Variants in PPP2R3C observed in about 807,000 individuals in gnomAD.
PPP2R3C encodes the protein serine/threonine-protein phosphatase 2A regulatory subunit B'' subunit gamma.
A neutral mutation model predicts 63.7 loss-of-function variants in PPP2R3C; 47 were observed. The ratio of observed to expected loss-of-function variants is 0.74; its 90% confidence interval spans 0.58 to 0.94. The LOEUF is 0.94. Ranked by LOEUF, PPP2R3C falls within the 40% of genes least tolerant of loss-of-function variation. The pLI is 0.00. For synonymous variants in PPP2R3C, 180 were observed against 177.4 expected, an observed-to-expected ratio of 1.01 and a Z score of -0.12; for missense variants, 421 against 518.4, an observed-to-expected ratio of 0.81 and a Z score of 1.82.
intron 9 of PPP2R3C, 30 bp from the exon 10 acceptor site, chr14:35,095,214 T>A (rs200055292): frequency 6.3e-7 from 1 of 1,587,878 alleles, no homozygotes; most frequent in East Asian, 2.2e-5. Context: ...AAGACACTTA[T>A]GACCACAATA....
At chr14:35,116,424 A>T (rs1201608815) in intron 2 of PPP2R3C, among the ~76,000 whole-genome samples, 186 bp downstream of exon 2, 3 of 151,992 alleles carry the variant, frequency 2.0e-5, no homozygotes, top group South Asian at 2.1e-4. Context: ...GCTATTTTTT[A>T]AAAAATTTCT....
intron 4 of PPP2R3C, among the ~76,000 whole-genome samples, chr14:35,108,837 T>C (rs1040339395): frequency 1.8e-4 from 27 of 152,104 alleles, no homozygotes; most frequent in Admixed American, 8.5e-4. Context: ...CTCGAACTCC[T>C]GGCCTCAAGT....
At chr14:35,115,767 G>A (rs1023443639) in intron 2 of PPP2R3C, among the ~76,000 whole-genome samples, 8 of 151,776 alleles carry the variant, frequency 5.3e-5, no homozygotes, top group Non-Finnish European at 8.8e-5. Context: ...GATTACCGGC[G>A]CGCGCCACCA....
At chr14:35,102,506 C>G (rs1277595548) in intron 6 of PPP2R3C, 1 of 152,134 alleles carries the variant, frequency 6.6e-6, no homozygotes, top group Non-Finnish European at 1.5e-5. Context: ...TCCTCTATTC[C>G]AACAGTTACT....
intron 10 of PPP2R3C, among the ~76,000 whole-genome samples, chr14:35,093,157 G>C (rs1347490967): frequency 6.6e-6 from 1 of 151,864 alleles, no homozygotes; most frequent in Admixed American, 6.6e-5. Flanking sequence ...AGCTTGCAGT[G>C]AGCCGAGATC....
intron 4 of PPP2R3C, 119 bp from the exon 5 acceptor site, chr14:35,108,355 T>C: frequency 3.6e-6 from 4 of 1,100,834 alleles, no homozygotes; most frequent in Non-Finnish European, 4.8e-6. Flanking sequence ...CAATAGAGAC[T>C]CCTTATAATT....
chr14:35,095,985 A>C (rs1183346079), intron 9 of PPP2R3C, among the ~76,000 whole-genome samples: 1 of 152,108 alleles, frequency 6.6e-6, no homozygotes, highest in Non-Finnish European at 1.5e-5. Flanking sequence ...GTTCATAATG[A>C]TGCTCCTGAG....
intron 2 of PPP2R3C, among the ~76,000 whole-genome samples, chr14:35,115,524 C>T (rs1030869457): frequency 5.9e-5 from 9 of 151,450 alleles, no homozygotes; most frequent in Admixed American, 6.6e-5. Context: ...AGTGACCCTA[C>T]CATGAATAGC....
At chr14:35,101,397 CA>C (rs1370280824) in intron 6 of PPP2R3C, 2 of 152,156 alleles carry the variant, frequency 1.3e-5, no homozygotes, top group African/African-American at 4.8e-5. Context: ...GTCTAATTCC[CA>C]GGTTTAAGTA....
chr14:35,120,000 C>A (rs977179813), intron 1 of PPP2R3C, among the ~76,000 whole-genome samples: 1 of 151,638 alleles, frequency 6.6e-6, no homozygotes, highest in African/African-American at 2.4e-5. Flanking sequence ...TACAGGCGCC[C>A]GCCACCGCAC....
chr14:35,109,063 CTT>C (rs1052048853), intron 4 of PPP2R3C, among the ~76,000 whole-genome samples: 1 of 145,094 alleles, frequency 6.9e-6, no homozygotes. Flanking sequence ...TATATTATTT[CTT>C]TTTTTTTTTT....
chr14:35,099,161 AATG>A (rs1384289723), intron 7 of PPP2R3C, 88 bp downstream of exon 7: 4 of 1,367,852 alleles, frequency 2.9e-6, no homozygotes, highest in African/African-American at 1.5e-5. Context: ...CAGGAAAATA[AATG>A]ATATTTTTCA....
chr14:35,096,933 G>A (rs1432290804), intron 7 of PPP2R3C, among the ~76,000 whole-genome samples, 169 bp from the exon 8 acceptor site: 2 of 152,018 alleles, frequency 1.3e-5, no homozygotes, highest in Non-Finnish European at 2.9e-5. Flanking sequence ...GGGAAATCTC[G>A]GCTGGGCGCG....
intron 6 of PPP2R3C, 37 bp downstream of exon 6, chr14:35,107,267 T>G: frequency 6.8e-7 from 1 of 1,472,828 alleles, no homozygotes; most frequent in Non-Finnish European, 9.5e-7. Context: ...TTAGTGTCTA[T>G]AAGAGTTAAT....
At chr14:35,101,951 C>G (rs2046205825) in intron 6 of PPP2R3C, 2 of 151,160 alleles carry the variant, frequency 1.3e-5, no homozygotes, top group South Asian at 2.1e-4. Context: ...TTCTAGACTT[C>G]TGGGTTTTGT....
At chr14:35,103,937 G>A (rs2046270742) in intron 6 of PPP2R3C, among the ~76,000 whole-genome samples, 1 of 152,174 alleles carries the variant, frequency 6.6e-6, no homozygotes, top group Admixed American at 6.5e-5. Flanking sequence ...TTTGAGAAAA[G>A]TGTTTTCTTT....
chr14:35,087,636 A>G (rs1961195), intron 12 of PPP2R3C: 90,218 of 269,926 alleles, frequency 0.33, 15,563 homozygotes, highest in East Asian at 0.42. Context: ...CTGACCTCGG[A>G]TGATCCGCCC....
intron 6 of PPP2R3C, chr14:35,100,359 T>C (rs1438565204): frequency 6.6e-6 from 1 of 152,168 alleles, no homozygotes; most frequent in Non-Finnish European, 1.5e-5. Context: ...CATATGCACA[T>C]GTAGAATTTT....
intron 12 of PPP2R3C, chr14:35,087,021 T>G (rs2045624369): frequency 6.6e-6 from 1 of 152,204 alleles, no homozygotes; most frequent in Admixed American, 6.5e-5. Context: ...AACATCTAAA[T>G]GTTTCAGAGA....
Sources: allele counts gnomAD v4.1 joint callset (sites outside exome capture counted in the v4.1 genomes callset), GRCh38; gene constraint gnomAD v4.1.1; transcripts MANE v1.5; gene names NCBI Gene and HGNC (gene_info 2026-07-23, HGNC 2026-07-21).